SNTG1: variants seen among roughly 807,000 people sequenced by gnomAD.
SNTG1 encodes syntrophin gamma 1.
A neutral mutation model predicts 74.7 loss-of-function variants in SNTG1; 39 were observed. The observed-to-expected ratio is 0.52, with a 90% CI of 0.40 to 0.68. The LOEUF is 0.68. Ranked by LOEUF, SNTG1 falls within the 30% of genes least tolerant of loss-of-function variation. The pLI, the probability that SNTG1 is intolerant of heterozygous loss-of-function variation, is 0.00. For synonymous variants in SNTG1, 254 were observed against 217.1 expected (o/e 1.17, Z -1.49); for missense variants, 685 against 609.5 (o/e 1.12, Z -1.30).
intron 2 of SNTG1, among the ~76,000 whole-genome samples, chr8:50,241,818 A>C (rs190426491): frequency 8.5e-5 from 13 of 152,256 alleles, no homozygotes; most frequent in African/African-American, 1.4e-4. Flanking sequence ...TCCTCTTCTC[A>C]GCTCGGAAGT....
intron 1 of SNTG1, among the ~76,000 whole-genome samples, chr8:49,968,683 T>A (rs901805583): frequency 6.6e-6 from 1 of 152,102 alleles, no homozygotes; most frequent in Non-Finnish European, 1.5e-5. Context: ...CCCTTATTCT[T>A]CCAGATAGAC....
chr8:50,719,440 G>A (rs1221239950), intron 17 of SNTG1, among the ~76,000 whole-genome samples: 1 of 152,114 alleles, frequency 6.6e-6, no homozygotes, highest in African/African-American at 2.4e-5. Flanking sequence ...CCAGCACCTT[G>A]ATCTTGGACT....
intron 1 of SNTG1, among the ~76,000 whole-genome samples, chr8:50,075,910 A>G (rs1054633616): frequency 6.6e-6 from 1 of 152,176 alleles, no homozygotes; most frequent in African/African-American, 2.4e-5. Flanking sequence ...ATCAGAAGGA[A>G]CAAACTCCGG....
rs149005486 is a variant in SNTG1, at chr8:50,169,921, T to C, written c.-102-2640T>C. ...TGAGTGTTCACCCACTGCACTCTAG[T>C]CTTGATGACAGAGTGGGACCCCATG... On this transcript the variant is annotated intron_variant, in intron 1 of 18. Coordinates refer to ENST00000642720, the MANE Select transcript of SNTG1 (RefSeq NM_018967.5). Among the ~76,000 whole-genome samples, 205 of 152,234 alleles carry C rather than the reference T, an allele frequency of 1.3e-3. 1 individual carries two copies. Among genetic ancestry groups the C allele is most frequent in the Middle Eastern group, 0.01 (3 of 294 alleles).
intron 2 of SNTG1, among the ~76,000 whole-genome samples, chr8:50,333,752 C>T (rs1489806667): frequency 6.6e-6 from 1 of 152,068 alleles, no homozygotes; most frequent in Non-Finnish European, 1.5e-5. Flanking sequence ...CATTTCTTAA[C>T]GTTCCCTTGA....
chr8:50,198,155 A>T (rs1014222060), intron 2 of SNTG1, among the ~76,000 whole-genome samples: 5 of 152,136 alleles, frequency 3.3e-5, no homozygotes, highest in Admixed American at 2.6e-4. Context: ...GCCGCCCCTC[A>T]GCAGGTGCAT....
chr8:50,627,484 C>T (rs1440768149), intron 13 of SNTG1, among the ~76,000 whole-genome samples: 2 of 152,050 alleles, frequency 1.3e-5, no homozygotes, highest in Admixed American at 6.5e-5. Flanking sequence ...TTTCCAGAGC[C>T]TTGATGATAA....
intron 2 of SNTG1, among the ~76,000 whole-genome samples, chr8:50,231,829 A>T (rs2085643636): frequency 6.6e-6 from 1 of 151,344 alleles, no homozygotes; most frequent in Admixed American, 6.6e-5. Context: ...TTAATAACTG[A>T]GTACTGTACA....
chr8:50,063,676 A>G (rs1397793302), intron 1 of SNTG1, among the ~76,000 whole-genome samples: 1 of 151,910 alleles, frequency 6.6e-6, no homozygotes, highest in East Asian at 1.9e-4. Context: ...CTATTGTTGT[A>G]TCACCCTTTT....
At chr8:50,143,104 T>A (rs531005693) in intron 1 of SNTG1, among the ~76,000 whole-genome samples, 147 of 151,760 alleles carry the variant, frequency 9.7e-4, no homozygotes, top group African/African-American at 3.5e-3. Flanking sequence ...TAAATAAAAA[T>A]AAAAAATAAA....
At chr8:50,386,970 C>A (rs932228074) in intron 2 of SNTG1, among the ~76,000 whole-genome samples, 2 of 152,158 alleles carry the variant, frequency 1.3e-5, no homozygotes, top group Admixed American at 6.5e-5. Context: ...GTCTATGACT[C>A]TATTCTGGTG....
At chr8:50,464,516 G>A (rs1316281892) in intron 8 of SNTG1, among the ~76,000 whole-genome samples, 2 of 152,114 alleles carry the variant, frequency 1.3e-5, no homozygotes, top group African/African-American at 4.8e-5. Flanking sequence ...GAAATGAACA[G>A]TCAGTAGAAC....
chr8:50,290,396 T>C (rs1247284004), intron 2 of SNTG1, among the ~76,000 whole-genome samples: 1 of 152,184 alleles, frequency 6.6e-6, no homozygotes, highest in Admixed American at 6.5e-5. Context: ...TTCTTTTTAA[T>C]CTCAAGAATC....
intron 4 of SNTG1, among the ~76,000 whole-genome samples, chr8:50,416,475 A>G (rs1036760476): frequency 2.6e-5 from 4 of 152,168 alleles, no homozygotes; most frequent in Admixed American, 1.3e-4. Flanking sequence ...AAATTTTGAA[A>G]TATGTATTAA....
intron 1 of SNTG1, among the ~76,000 whole-genome samples, chr8:49,969,639 C>A (rs1811475555): frequency 6.6e-6 from 1 of 151,916 alleles, no homozygotes; most frequent in Non-Finnish European, 1.5e-5. Flanking sequence ...TCAGGTGATC[C>A]ACCGGCCTCG....
At chr8:50,593,871 C>A (rs2094709408) in intron 13 of SNTG1, among the ~76,000 whole-genome samples, 1 of 152,044 alleles carries the variant, frequency 6.6e-6, no homozygotes, top group African/African-American at 2.4e-5. Flanking sequence ...GCATGCACCA[C>A]CACGCCTGGA....
chr8:50,030,642 G>C (rs1817664768), intron 1 of SNTG1, among the ~76,000 whole-genome samples: 1 of 151,736 alleles, frequency 6.6e-6, no homozygotes, highest in Non-Finnish European at 1.5e-5. Context: ...CTCTTGCTAG[G>C]CATTAGATGT....
intron 8 of SNTG1, among the ~76,000 whole-genome samples, chr8:50,479,481 A>G (rs368721762): frequency 2.0e-5 from 3 of 152,142 alleles, no homozygotes; most frequent in South Asian, 2.1e-4. Flanking sequence ...TACTTCCCCA[A>G]TGGGGAATAT....
At chr8:50,091,540 T>C (rs1428023794) in intron 1 of SNTG1, among the ~76,000 whole-genome samples, 1 of 152,176 alleles carries the variant, frequency 6.6e-6, no homozygotes, top group Non-Finnish European at 1.5e-5. Context: ...TCATGCAGCA[T>C]TGTCTTTCTG....
Sources: allele counts gnomAD v4.1 joint callset (sites outside exome capture counted in the v4.1 genomes callset), GRCh38; gene constraint gnomAD v4.1.1; transcripts MANE v1.5; gene names NCBI Gene and HGNC (gene_info 2026-07-23, HGNC 2026-07-21).